Variants in BMPER observed in about 807,000 individuals in gnomAD.
BMPER encodes the protein BMP binding endothelial regulator, also known as BMP-binding endothelial regulator protein.
BMPER carries 45 observed loss-of-function variants against 87.3 expected under a neutral mutation model. The observed-to-expected ratio is 0.52, with a 90% CI of 0.41 to 0.66. The LOEUF (loss-of-function observed/expected upper bound fraction) is 0.66, where lower values mean the gene tolerates loss of function less well. Ranked by LOEUF, BMPER falls within the 30% of genes least tolerant of loss-of-function variation. The pLI, the probability that BMPER is intolerant of heterozygous loss-of-function variation, is 0.00. For missense variants in BMPER, 784 were observed against 867.5 expected (o/e 0.90, Z 1.21); for synonymous variants, 326 against 316.2 (o/e 1.03, Z -0.33).
At chr7:34,072,544 A>G (rs908964931) in intron 11 of BMPER, among the ~76,000 whole-genome samples, 3 of 151,320 alleles carry the variant, frequency 2.0e-5, no homozygotes, top group African/African-American at 7.3e-5. Flanking sequence ...TCCCTTTCAC[A>G]CTGTAAGGCC....
intron 6 of BMPER, among the ~76,000 whole-genome samples, chr7:34,041,657 A>G (rs1562705561): frequency 6.6e-6 from 1 of 152,110 alleles, no homozygotes; most frequent in East Asian, 1.9e-4. Flanking sequence ...TTACAGGCTG[A>G]TGTGATGTAA....
chr7:34,067,203 G>A (rs569347116), intron 11 of BMPER: 2 of 152,288 alleles, frequency 1.3e-5, no homozygotes, highest in Admixed American at 1.3e-4. Flanking sequence ...CCCAGGGTTG[G>A]TTTCCAGCTG....
At chr7:34,118,613 G>A (rs1321878702) in intron 13 of BMPER, among the ~76,000 whole-genome samples, 5 of 152,156 alleles carry the variant, frequency 3.3e-5, no homozygotes, top group African/African-American at 4.8e-5. Context: ...TGAATGAATA[G>A]CATGAACATG....
rs1407292846 is a variant in BMPER, at chr7:33,974,626, C to T, written c.494-76C>T. ...TGTGTGGAGGTGGGCAACGGATGAA[C>T]TGTGGATAGAAGGATTGTGTCAGGT... On this transcript the variant is annotated intron_variant, in intron 5 of 14. Transcript: ENST00000649409. 5.6e-6 allele frequency: 8 copies of T among 1,421,328 alleles called. No individual in the cohort carries two copies. In the East Asian group the frequency reaches 1.4e-4, roughly 24 times the overall value. 88.0% of individuals were successfully genotyped at this position (1,421,328 alleles called of 1,614,324 possible).
At chr7:34,072,932 T>A (rs1422649591) in intron 11 of BMPER, among the ~76,000 whole-genome samples, 2 of 152,196 alleles carry the variant, frequency 1.3e-5, no homozygotes, top group African/African-American at 4.8e-5. Flanking sequence ...CAGACATAGT[T>A]CCCCCATAAT....
chr7:33,958,249 T>C (rs781112522), intron 3 of BMPER, among the ~76,000 whole-genome samples: 132 of 152,314 alleles, frequency 8.7e-4, no homozygotes, highest in African/African-American at 2.1e-3. Context: ...CTTCTAAATA[T>C]GGGAGTGCCT....
chr7:34,057,831 AACACACACACACACAC>A (rs113240345), intron 9 of BMPER, among the ~76,000 whole-genome samples: 2 of 148,896 alleles, frequency 1.3e-5, no homozygotes, highest in African/African-American at 4.9e-5. Flanking sequence ...CAGGAGGGGG[AACACACACACACACAC>A]ACACACACAC....
chr7:34,113,697 A>G (rs3886609), intron 13 of BMPER, among the ~76,000 whole-genome samples: 25,153 of 152,070 alleles, frequency 0.17, 2,323 homozygotes, highest in Non-Finnish European at 0.2. Context: ...CAGGCTTTGT[A>G]TATCTATTTC....
chr7:34,034,560 C>A (rs935371223), intron 6 of BMPER, among the ~76,000 whole-genome samples: 1 of 152,150 alleles, frequency 6.6e-6, no homozygotes, highest in Non-Finnish European at 1.5e-5. Context: ...TCCTGGAGGC[C>A]TCAGATGACA....
chr7:34,057,386 A>G (rs999163398), intron 9 of BMPER, among the ~76,000 whole-genome samples: 6 of 152,208 alleles, frequency 3.9e-5, no homozygotes, highest in Admixed American at 2.0e-4. Context: ...TGTCTGAGCA[A>G]GGATCTAGTC....
intron 3 of BMPER, chr7:33,940,001 C>T (rs1403915710): frequency 7.3e-6 from 2 of 275,386 alleles, no homozygotes; most frequent in Non-Finnish European, 1.7e-5. Flanking sequence ...CTCTTAAATA[C>T]TGGAGACTCC....
chr7:34,114,021 T>C (rs1397848572), intron 13 of BMPER, among the ~76,000 whole-genome samples: 2 of 152,222 alleles, frequency 1.3e-5, no homozygotes, highest in Non-Finnish European at 2.9e-5. Context: ...ATTGGTATTG[T>C]TACTGCCTTT....
chr7:34,129,614 G>A (rs201501616), intron 13 of BMPER, among the ~76,000 whole-genome samples: 9,163 of 45,456 alleles, frequency 0.2, 657 homozygotes, highest in East Asian at 0.28. Context: ...GAGAGAAAGA[G>A]AGAGAGAGAG....
chr7:33,933,134 C>G (rs900708241), intron 2 of BMPER, among the ~76,000 whole-genome samples: 1 of 152,194 alleles, frequency 6.6e-6, no homozygotes, highest in African/African-American at 2.4e-5. Context: ...TGGTTTGGCT[C>G]AAATCCTTAT....
At chr7:34,025,323 G>GT (rs1787328279) in intron 6 of BMPER, among the ~76,000 whole-genome samples, 2 of 152,058 alleles carry the variant, frequency 1.3e-5, no homozygotes, top group African/African-American at 4.8e-5. Flanking sequence ...GAAGTAGAGG[G>GT]TAGGTTCTGC....
chr7:33,970,012 G>A (rs1435070025), intron 4 of BMPER, among the ~76,000 whole-genome samples: 1 of 152,196 alleles, frequency 6.6e-6, no homozygotes, highest in Non-Finnish European at 1.5e-5. Context: ...TTGTGAATGA[G>A]CAGCTAGATT....
At chr7:33,981,402 A>G (rs1362122626) in intron 6 of BMPER, among the ~76,000 whole-genome samples, 1 of 152,122 alleles carries the variant, frequency 6.6e-6, no homozygotes, top group Non-Finnish European at 1.5e-5. Flanking sequence ...CTCATCCAGC[A>G]CTGCAAAGCC....
intron 13 of BMPER, among the ~76,000 whole-genome samples, chr7:34,100,933 T>A (rs1000252446): frequency 6.6e-6 from 1 of 152,152 alleles, no homozygotes; most frequent in Non-Finnish European, 1.5e-5. Flanking sequence ...GAGGTTTAGA[T>A]CCTTACTATT....
intron 2 of BMPER, among the ~76,000 whole-genome samples, chr7:33,919,820 T>C (rs1264019189): frequency 6.6e-6 from 1 of 152,228 alleles, no homozygotes; most frequent in Non-Finnish European, 1.5e-5. Context: ...GATTAACTTA[T>C]GCAAGCCAGA....
Sources: allele counts gnomAD v4.1 joint callset (sites outside exome capture counted in the v4.1 genomes callset), GRCh38; gene constraint gnomAD v4.1.1; transcripts MANE v1.5; gene names NCBI Gene and HGNC (gene_info 2026-07-23, HGNC 2026-07-21).